Variants in SLC22A24 observed in about 807,000 individuals in gnomAD.
SLC22A24 encodes the protein steroid transmembrane transporter SLC22A24.
SLC22A24 carries 53 observed loss-of-function variants against 49.8 expected under a neutral mutation model. The observed-to-expected ratio is 1.06, with a 90% CI of 0.85 to 1.34. The LOEUF (loss-of-function observed/expected upper bound fraction) is 1.34, where lower values mean the gene tolerates loss of function less well. Among genes scored for constraint, SLC22A24 ranks in the 40% most tolerant of loss-of-function variants. The pLI is 0.00. For synonymous variants in SLC22A24, 302 were observed against 256.4 expected (o/e 1.18, Z -1.70); for missense variants, 786 against 675.9 (o/e 1.16, Z -1.81).
At chr11:63,093,073 A>G (rs915116010) in intron 6 of SLC22A24, among the ~76,000 whole-genome samples, 3 of 152,232 alleles carry the variant, frequency 2.0e-5, no homozygotes, top group African/African-American at 7.2e-5. Context: ...TTATGTGGCC[A>G]ACAAACATGA....
Position 63,143,411 on chromosome 11 carries a change from G to T in SLC22A24, c.369C>A (p.Asp123Glu). ...CGATGGTGGAGAGGAAAGAGCTTCT[G>T]TCGTACACCCAGCCATCCACACAGG... ...TEPCVDGWVY[D>E]RSSFLSTIVT... Residue 123 changes from aspartate to glutamate, a missense_variant, in exon 1 of 10, where the codon GAC becomes GAA. Physicochemically the swap from Asp to Glu is conservative, Grantham distance 45. Transcript: ENST00000612278. 1 of 1,518,580 alleles carries T rather than the reference G, an allele frequency of 6.6e-7. No individual in the cohort carries two copies. The highest frequency in any genetic ancestry group is 1.4e-5 in the African/African-American group (1 of 71,276). The allele number at this position is 1,518,580 out of a possible 1,614,324, so 94.1% of individuals were successfully genotyped here.
At chr11:63,090,327 T>G (rs1447510833) in intron 6 of SLC22A24, among the ~76,000 whole-genome samples, 1 of 151,914 alleles carries the variant, frequency 6.6e-6, no homozygotes, top group Non-Finnish European at 1.5e-5. Context: ...ACAAGGGTAT[T>G]CAGGACTTGA....
In SLC22A24 at chr11:63,119,016, A is replaced by G; in HGVS notation, c.726T>C (p.Ser242=). Residue 242 remains serine (S), a synonymous_variant, in exon 4 of 10, where the codon AGT becomes AGC. Coordinates refer to ENST00000612278, the MANE Select transcript of SLC22A24 (RefSeq NM_001136506.2). The part of the protein sequence containing the change: ...MTIMVLLCSY[S]VGQMLLGGLA... ...GCCCTCCTAGGAGCATCTGCCCAAC[A>G]CTGTAGGAACATAATAGCACCATTA... 1 of 1,551,672 alleles carries G rather than the reference A, an allele frequency of 6.4e-7. No individual in the cohort carries two copies. Among genetic ancestry groups the G allele is most frequent in the Non-Finnish European group, 8.7e-7 (1 of 1,146,944 alleles).
intron 5 of SLC22A24, among the ~76,000 whole-genome samples, chr11:63,102,121 T>A (rs1336727835): frequency 1.3e-5 from 2 of 152,154 alleles, no homozygotes; most frequent in Non-Finnish European, 2.9e-5. Context: ...GAAGAAAGGA[T>A]AACTGCTTGA....
chr11:63,094,663 G>A (rs1427153992), intron 6 of SLC22A24, among the ~76,000 whole-genome samples: 2 of 152,096 alleles, frequency 1.3e-5, no homozygotes, highest in African/African-American at 4.8e-5. Flanking sequence ...ACTTTTTAAT[G>A]ATCGCCATTC....
At chr11:63,084,938 A>ATTTTTTTTT (rs35160977) in intron 6 of SLC22A24, among the ~76,000 whole-genome samples, 1 of 146,562 alleles carries the variant, frequency 6.8e-6, no homozygotes, top group Non-Finnish European at 1.5e-5. Context: ...AGAGGATGGG[A>ATTTTTTTTT]TTTTTTTTTT....
intron 2 of SLC22A24, among the ~76,000 whole-genome samples, chr11:63,133,480 T>C (rs1030905215): frequency 1.3e-5 from 2 of 152,168 alleles, no homozygotes; most frequent in South Asian, 2.1e-4. Flanking sequence ...AAATAAAGAC[T>C]GTCAGATGAC....
intron 2 of SLC22A24, among the ~76,000 whole-genome samples, chr11:63,121,109 C>T (rs2087248442): frequency 6.6e-6 from 1 of 152,096 alleles, no homozygotes; most frequent in African/African-American, 2.4e-5. Flanking sequence ...CTGTACAACA[C>T]AAACACTGAG....
rs188590914 is a variant in SLC22A24 at position 63,135,420 on chromosome 11, A to T, written c.403-652T>A. The stretch of plus-strand genomic sequence containing the variant: ...GGGCGACCTAGCATAACATTTGCCT[A>T]ACAGCATTCCAAATACTTTACAAAT... On this transcript the variant is annotated intron_variant, in intron 1 of 9. Coordinates refer to ENST00000612278, the MANE Select transcript of SLC22A24 (RefSeq NM_001136506.2). 2.5e-3 allele frequency among the ~76,000 whole-genome samples: 382 copies of T among 152,340 alleles called. 1 individual carries two copies. Among genetic ancestry groups the T allele is most frequent in the Non-Finnish European group, 4.6e-3 (311 of 68,034 alleles).
Position 63,143,469 on chromosome 11 carries a change from G to T in SLC22A24, c.311C>A (p.Thr104Asn), listed in dbSNP as rs765183890. The change falls in exon 1 of 10, where the codon ACC becomes AAC. Residue 104 changes from threonine to asparagine, a missense_variant. Physicochemically the swap from Thr to Asn is moderately conservative, Grantham distance 65 (BLOSUM62 0). Transcript: ENST00000612278. ...PQWQLLHLNG[T>N]FPNTNEPDTE... is the part of the protein sequence containing the mutation. ...GTCTGGCTCATTTGTGTTGGGGAAG[G>T]TCCCGTTCAGGTGAAGGAGCTGCCA... 8.1e-6 allele frequency: 13 copies of T among 1,597,518 alleles called. No individual in the cohort carries two copies. Among genetic ancestry groups the T allele is most frequent in the Non-Finnish European group, 1.1e-5 (13 of 1,172,194 alleles).
chr11:63,109,789 T>C (rs868139456), intron 4 of SLC22A24, among the ~76,000 whole-genome samples: 16 of 151,860 alleles, frequency 1.1e-4, no homozygotes, highest in South Asian at 2.1e-4. Context: ...TTCTCCCATT[T>C]TGTAGGTTGC....
chr11:63,131,283 G>T (rs974847938), intron 2 of SLC22A24, among the ~76,000 whole-genome samples: 1 of 152,028 alleles, frequency 6.6e-6, no homozygotes, highest in African/African-American at 2.4e-5. Flanking sequence ...TTACATTTAA[G>T]GTTAATATTA....
intron 2 of SLC22A24, among the ~76,000 whole-genome samples, chr11:63,120,231 C>G (rs934191520): frequency 6.9e-6 from 1 of 145,378 alleles, no homozygotes; most frequent in Admixed American, 7.3e-5. Flanking sequence ...CCTATTCCCA[C>G]TCATAGGTGG....
chr11:63,092,922 G>A (rs1335762739), intron 6 of SLC22A24, among the ~76,000 whole-genome samples: 1 of 152,082 alleles, frequency 6.6e-6, no homozygotes, highest in Admixed American at 6.6e-5. Context: ...CAGAATGGGA[G>A]AAAATTTTTG....
chr11:63,110,391 A>C (rs1363270717), intron 4 of SLC22A24, among the ~76,000 whole-genome samples: 4 of 152,032 alleles, frequency 2.6e-5, no homozygotes, highest in Non-Finnish European at 4.4e-5. Flanking sequence ...GAAGAAAGTC[A>C]TTGGTAGCTT....
intron 9 of SLC22A24, among the ~76,000 whole-genome samples, chr11:63,080,293 C>G (rs2086951703): frequency 6.6e-6 from 1 of 152,170 alleles, no homozygotes; most frequent in African/African-American, 2.4e-5. Flanking sequence ...AAGCTATTGT[C>G]TTATTTTTCA....
At chr11:63,121,324 C>G (rs2087250192) in intron 2 of SLC22A24, among the ~76,000 whole-genome samples, 1 of 152,044 alleles carries the variant, frequency 6.6e-6, no homozygotes, top group African/African-American at 2.4e-5. Context: ...AAAAAATTCT[C>G]ATAGTAAAGA....
chr11:63,122,610 G>T (rs2087259888), intron 2 of SLC22A24, among the ~76,000 whole-genome samples: 1 of 152,130 alleles, frequency 6.6e-6, no homozygotes. Context: ...CGCCTCCTGG[G>T]TTCAAGCCAT....
intron 6 of SLC22A24, among the ~76,000 whole-genome samples, chr11:63,089,971 C>T (rs1432540036): frequency 2.7e-5 from 4 of 149,062 alleles, no homozygotes; most frequent in Non-Finnish European, 5.9e-5. Flanking sequence ...GTCCCAGCTA[C>T]TCGGGAGGCT....
Sources: allele counts gnomAD v4.1 joint callset (sites outside exome capture counted in the v4.1 genomes callset), GRCh38; gene constraint gnomAD v4.1.1; transcripts MANE v1.5; gene names NCBI Gene and HGNC (gene_info 2026-07-23, HGNC 2026-07-21).